ARPC2: variants seen among roughly 807,000 people sequenced by gnomAD.
ARPC2 encodes actin related protein 2/3 complex subunit 2, also known as actin-related protein 2/3 complex subunit 2.
ARPC2 carries 4 observed loss-of-function variants against 38.6 expected under a neutral mutation model. That is an observed-to-expected ratio of 0.10 (90% CI 0.05 to 0.24). The LOEUF is 0.24. Ranked by LOEUF, ARPC2 falls within the 10% of genes least tolerant of loss-of-function variation. ARPC2 has a pLI of 1.00. For missense variants in ARPC2, 229 were observed against 387.3 expected (o/e 0.59, Z 3.43); for synonymous variants, 125 against 140.8 (o/e 0.89, Z 0.79).
chr2:218,217,436 C>T, intron 1 of ARPC2, 27 bp from the exon 2 acceptor site: 1 of 1,611,630 alleles, frequency 6.2e-7, no homozygotes, highest in Non-Finnish European at 8.5e-7. Flanking sequence ...CCTCACCGGC[C>T]CTTGTTTCTC....
At chr2:218,222,431 A>C (rs981750177) in intron 2 of ARPC2, among the ~76,000 whole-genome samples, 4 of 152,112 alleles carry the variant, frequency 2.6e-5, no homozygotes, top group African/African-American at 4.8e-5. Context: ...GATAGAAGAA[A>C]ATTTTTTCTA....
chr2:218,244,626 A>C (rs1689988772), intron 7 of ARPC2, among the ~76,000 whole-genome samples: 1 of 152,240 alleles, frequency 6.6e-6, no homozygotes, highest in Non-Finnish European at 1.5e-5. Flanking sequence ...CCAGCAAGAG[A>C]GCAGTACCTG....
At chr2:218,223,559 C>G (rs760168114) in intron 2 of ARPC2, among the ~76,000 whole-genome samples, 1 of 152,116 alleles carries the variant, frequency 6.6e-6, no homozygotes, top group Non-Finnish European at 1.5e-5. Flanking sequence ...GGAACATATC[C>G]CCCACAGATA....
chr2:218,244,608 T>C (rs1478800431), intron 7 of ARPC2, among the ~76,000 whole-genome samples: 2 of 152,214 alleles, frequency 1.3e-5, no homozygotes, highest in Admixed American at 6.5e-5. Flanking sequence ...AGAAAAGACA[T>C]GGCAGCTCCA....
chr2:218,244,447 C>T (rs1689985250), intron 7 of ARPC2, among the ~76,000 whole-genome samples: 1 of 152,216 alleles, frequency 6.6e-6, no homozygotes, highest in South Asian at 2.1e-4. Context: ...CACTTGCTTT[C>T]TCTCAGCAAG....
At chr2:218,233,087 A>G (rs922461351) in intron 4 of ARPC2, 4 of 152,216 alleles carry the variant, frequency 2.6e-5, no homozygotes, top group African/African-American at 9.6e-5. Flanking sequence ...ACTTGAGCCT[A>G]GAAGTTCAAG....
chr2:218,239,609 T>C (rs189047226), intron 7 of ARPC2, 125 bp downstream of exon 7: 26,173 of 629,100 alleles, frequency 0.042, 408 homozygotes, highest in Middle Eastern at 0.075. Context: ...TTTTTTTTTT[T>C]CGAGACGGAG....
intron 5 of ARPC2, chr2:218,236,695 G>GA (rs1437764498): frequency 6.6e-6 from 1 of 152,214 alleles, no homozygotes; most frequent in Non-Finnish European, 1.5e-5. Context: ...AGGAGGCTGA[G>GA]GCAGGAGAAT....
chr2:218,243,039 G>A (rs1023304199), intron 7 of ARPC2, among the ~76,000 whole-genome samples: 10 of 152,158 alleles, frequency 6.6e-5, no homozygotes, highest in African/African-American at 2.4e-4. Context: ...CTACTCGAAG[G>A]TTATAAAGAA....
At chr2:218,251,187 T>G in intron 10 of ARPC2, among the ~76,000 whole-genome samples, 1 of 149,878 alleles carries the variant, frequency 6.7e-6, no homozygotes, top group East Asian at 1.9e-4. Context: ...CCAGTACTGT[T>G]GTTGTTTTGT....
intron 5 of ARPC2, among the ~76,000 whole-genome samples, chr2:218,237,653 A>G (rs1574586340): frequency 6.8e-6 from 1 of 146,300 alleles, no homozygotes; most frequent in Non-Finnish European, 1.5e-5. Flanking sequence ...TGTAACCTCC[A>G]CCTCCTGGGT....
intron 8 of ARPC2, among the ~76,000 whole-genome samples, chr2:218,248,202 C>G (rs1305592344): frequency 6.6e-6 from 1 of 152,228 alleles, no homozygotes; most frequent in African/African-American, 2.4e-5. Context: ...GGCAGACTTA[C>G]AGTCATAAGC....
intron 8 of ARPC2, among the ~76,000 whole-genome samples, chr2:218,248,931 T>C (rs1333503837): frequency 6.6e-6 from 1 of 152,220 alleles, no homozygotes; most frequent in Non-Finnish European, 1.5e-5. Flanking sequence ...TGGGAAGGTT[T>C]ACTCTATTTC....
intron 4 of ARPC2, 46 bp downstream of exon 4, chr2:218,228,896 T>G: frequency 7.8e-7 from 1 of 1,284,088 alleles, no homozygotes; most frequent in Non-Finnish European, 1.1e-6. Context: ...TCCTCACCTT[T>G]CATTGGCAGT....
At chr2:218,247,432 T>G (rs986677455) in intron 8 of ARPC2, among the ~76,000 whole-genome samples, 12 of 152,240 alleles carry the variant, frequency 7.9e-5, no homozygotes, top group African/African-American at 2.9e-4. Flanking sequence ...TTATTGGTGA[T>G]GAATCTGTTG....
intron 8 of ARPC2, among the ~76,000 whole-genome samples, chr2:218,248,471 C>G (rs1187461901): frequency 1.3e-5 from 2 of 152,020 alleles, no homozygotes; most frequent in Non-Finnish European, 2.9e-5. Context: ...GCACACAGGT[C>G]TTTTTTTGAG....
In ARPC2 at chr2:218,249,946, C is replaced by T. The variant is rs1290628686; in HGVS notation, c.878+25C>T. ...CGTAAGTTAGGCAGCACCCCAGCGA[C>T]CACCTTCCTCTCCTGAGTCACCGAG... On this transcript the variant is annotated intron_variant, in intron 10 of 10. Transcript: ENST00000315717. 3.8e-6 allele frequency: 6 copies of T among 1,560,584 alleles called. No individual in the cohort carries two copies. In the Admixed American group the frequency reaches 5.4e-5, roughly 14 times the overall value.
Position 218,225,942 on chromosome 2 carries a change from G to T in ARPC2, c.97G>T (p.Val33Leu), listed in dbSNP as rs1367278464. The T allele has an allele frequency of 1.2e-6, 2 of 1,613,720 alleles. No individual in the cohort carries two copies. Residue 33 changes from valine to leucine, a missense_variant, in exon 3 of 11, where the codon GTA (valine) becomes TTA (leucine). Val to Leu is a conservative substitution (Grantham distance 32, BLOSUM62 1). Around this residue, in one of 3 missense-constraint regions of ARPC2, gnomAD observed 135 missense variants for 214.1 expected, o/e 0.63. Coordinates refer to ENST00000315717, the MANE Select transcript of ARPC2 (RefSeq NM_152862.3). ...CAGAAACAAACCGGAAGCAGTAGAA[G>T]TAACATTTGCAGGTAAGCATCTTTA... The part of the protein sequence containing the change: ...AAGNKPEAVE[V>L]TFADFDGVLY...
chr2:218,221,059 G>A (rs570965952), intron 2 of ARPC2, among the ~76,000 whole-genome samples: 9 of 152,150 alleles, frequency 5.9e-5, no homozygotes, highest in Non-Finnish European at 1.0e-4. Flanking sequence ...TAATTCTTTC[G>A]TTAGTGTACA....
Sources: gnomAD v4.1 joint callset for allele counts (sites outside exome capture counted in the v4.1 genomes callset) on GRCh38, gnomAD v4.1.1 for gene constraint, gnomAD v4.1.1 regional missense constraint, MANE v1.5 for transcripts, NCBI Gene and HGNC (gene_info 2026-07-23, HGNC 2026-07-21) for gene names.